Variants in TMEM132D observed in about 807,000 individuals in gnomAD.
The protein encoded by TMEM132D is transmembrane protein 132D, also known as mature OL transmembrane protein.
TMEM132D carries 21 observed loss-of-function variants against 62.3 expected under a neutral mutation model. That is an observed-to-expected ratio of 0.34 (90% CI 0.24 to 0.49). The LOEUF (loss-of-function observed/expected upper bound fraction) is 0.49, where lower values mean the gene tolerates loss of function less well. TMEM132D is among the 20% of genes least tolerant of loss of function. The pLI is 0.99. For missense variants in TMEM132D, 1,346 were observed against 1,402.8 expected (o/e 0.96, Z 0.65); for synonymous variants, 621 against 575.6 (o/e 1.08, Z -1.13).
chr12:129,249,967 AATCCAG>A lies in TMEM132D; in HGVS notation c.1300-40310_1300-40305del, dbSNP rs1382781304. Reference sequence around the variant, plus strand: ...GGCAAGGGGAGAATGTCATTACCAGAATCCAGAGACCAGAGAGAGCCTTGTAGAGGA... The same window carrying A: ...GGCAAGGGGAGAATGTCATTACCAGAAGACCAGAGAGAGCCTTGTAGAGGA... On this transcript the variant is annotated intron_variant, in intron 4 of 8. Transcript: ENST00000422113. Among the ~76,000 whole-genome samples the A allele has an allele frequency of 6.6e-5, 10 of 152,264 alleles. No individual in the cohort carries two copies. In the East Asian group the frequency reaches 1.9e-3, roughly 29 times the overall value.
intron 1 of TMEM132D, among the ~76,000 whole-genome samples, chr12:129,738,178 G>A (rs1433842702): frequency 2.0e-5 from 3 of 152,150 alleles, no homozygotes; most frequent in South Asian, 2.1e-4. Flanking sequence ...AAATCAATGA[G>A]ATTAGAAATC....
At chr12:129,601,636 A>ATT (rs1324369628) in intron 2 of TMEM132D, among the ~76,000 whole-genome samples, 3 of 152,270 alleles carry the variant, frequency 2.0e-5, no homozygotes, top group Non-Finnish European at 2.9e-5. Flanking sequence ...TCATTTCAAT[A>ATT]TTTTTGTGTC....
chr12:129,183,010 G>T (rs1006565950), intron 5 of TMEM132D, among the ~76,000 whole-genome samples: 1 of 152,098 alleles, frequency 6.6e-6, no homozygotes, highest in Non-Finnish European at 1.5e-5. Context: ...CTCTCTTTGG[G>T]GCTAAATGAG....
At chr12:129,412,156 TA>T (rs147163846) in intron 3 of TMEM132D, among the ~76,000 whole-genome samples, 38 of 149,702 alleles carry the variant, frequency 2.5e-4, no homozygotes, top group East Asian at 1.2e-3. Flanking sequence ...CAAATTTATT[TA>T]AAAAAAAAAC....
intron 4 of TMEM132D, chr12:129,262,858 T>G (rs1400889020): frequency 1.3e-5 from 2 of 152,252 alleles, no homozygotes; most frequent in Non-Finnish European, 2.9e-5. Context: ...AGTTCAGTTC[T>G]AGATATCTTT....
chr12:129,674,533 TA>T (rs1210441191), intron 2 of TMEM132D, among the ~76,000 whole-genome samples: 2 of 152,138 alleles, frequency 1.3e-5, no homozygotes, highest in African/African-American at 2.4e-5. Context: ...ACATATGTTT[TA>T]TGTTTTCTGT....
chr12:129,183,903 T>A (rs193143054), intron 5 of TMEM132D, among the ~76,000 whole-genome samples: 1 of 152,140 alleles, frequency 6.6e-6, no homozygotes, highest in Non-Finnish European at 1.5e-5. Flanking sequence ...GTCCCCATGC[T>A]GTCAGTTCAA....
At chr12:129,376,372 G>C (rs1159624598) in intron 3 of TMEM132D, among the ~76,000 whole-genome samples, 1 of 152,176 alleles carries the variant, frequency 6.6e-6, no homozygotes. Context: ...GTAGCAAGGA[G>C]AAGTAGAATG....
At chr12:129,218,440 A>T (rs1879268915) in intron 4 of TMEM132D, among the ~76,000 whole-genome samples, 1 of 152,190 alleles carries the variant, frequency 6.6e-6, no homozygotes, top group Non-Finnish European at 1.5e-5. Context: ...ACACATCTGT[A>T]TGGCAGGTGA....
At chr12:129,195,392 A>G (rs1442612737) in intron 5 of TMEM132D, among the ~76,000 whole-genome samples, 1 of 152,090 alleles carries the variant, frequency 6.6e-6, no homozygotes, top group African/African-American at 2.4e-5. Context: ...TGTAAGGAAC[A>G]TAGCTTTCAC....
chr12:129,885,129 C>T (rs1182383690), intron 1 of TMEM132D, among the ~76,000 whole-genome samples: 1 of 152,088 alleles, frequency 6.6e-6, no homozygotes, highest in African/African-American at 2.4e-5. Context: ...AAGAGAGGGG[C>T]CCATTATCAA....
At chr12:129,705,774 C>T (rs1285445964) in intron 1 of TMEM132D, among the ~76,000 whole-genome samples, 1 of 152,058 alleles carries the variant, frequency 6.6e-6, no homozygotes, top group Non-Finnish European at 1.5e-5. Flanking sequence ...GTTTCAAATA[C>T]AGGCAAAACC....
chr12:129,814,859 T>C (rs1872300827), intron 1 of TMEM132D, among the ~76,000 whole-genome samples: 1 of 152,094 alleles, frequency 6.6e-6, no homozygotes. Context: ...ATCCATTTAA[T>C]TGCTACCTTC....
intron 3 of TMEM132D, among the ~76,000 whole-genome samples, chr12:129,423,746 AT>A (rs1872397434): frequency 6.6e-6 from 1 of 152,168 alleles, no homozygotes; most frequent in African/African-American, 2.4e-5. Flanking sequence ...AATATTATTT[AT>A]GGTAATACCC....
chr12:129,145,902 T>A (rs1565977951), intron 5 of TMEM132D, among the ~76,000 whole-genome samples: 1 of 152,050 alleles, frequency 6.6e-6, no homozygotes, highest in Non-Finnish European at 1.5e-5. Flanking sequence ...TTTCCACTTA[T>A]CACTAGAGAC....
At chr12:129,355,864 G>A (rs1870025369) in intron 3 of TMEM132D, among the ~76,000 whole-genome samples, 2 of 152,168 alleles carry the variant, frequency 1.3e-5, no homozygotes, top group South Asian at 4.1e-4. Flanking sequence ...CCCTTGGAGG[G>A]GCCCTCACGC....
chr12:129,118,423 G>A (rs1453204564), intron 5 of TMEM132D, among the ~76,000 whole-genome samples: 4 of 152,274 alleles, frequency 2.6e-5, no homozygotes, highest in East Asian at 1.9e-4. Context: ...TGCATCCCTC[G>A]TCAGCCCCAG....
intron 5 of TMEM132D, among the ~76,000 whole-genome samples, chr12:129,204,460 C>T (rs1173497122): frequency 6.6e-6 from 1 of 152,034 alleles, no homozygotes; most frequent in African/African-American, 2.4e-5. Context: ...ATAATTCAGT[C>T]AAACAAAAAT....
rs573953820 is a variant in TMEM132D at position 129,613,742 on chromosome 12, T to C, written c.969-82537A>G. 5.4e-4 allele frequency among the ~76,000 whole-genome samples: 73 copies of C among 136,028 alleles called. 1 individual carries two copies. The highest frequency in any genetic ancestry group is 1.8e-3 in the African/African-American group (72 of 39,898). 89.2% of individuals were successfully genotyped at this position (136,028 alleles called of 152,430 possible). ...ACTGTCTCCAGAACCCAGGGGACTGTCTCCAGAACCAAGGTGACTGTCTCC... is the reference window on the plus strand; with the variant it reads ...ACTGTCTCCAGAACCCAGGGGACTGCCTCCAGAACCAAGGTGACTGTCTCC... On this transcript the variant is annotated intron_variant, in intron 2 of 8. Transcript: ENST00000422113.
Sources: allele counts gnomAD v4.1 joint callset (sites outside exome capture counted in the v4.1 genomes callset), GRCh38; gene constraint gnomAD v4.1.1; transcripts MANE v1.5; gene names NCBI Gene and HGNC (gene_info 2026-07-23, HGNC 2026-07-21).